The following YY2 variants were observed in gnomAD, a reference collection of about 807,000 sequenced individuals.
YY2 encodes transcription factor YY2.
For missense variants in YY2, 254 were observed against 305.3 expected, an observed-to-expected ratio of 0.83 and a Z score of 1.25; for synonymous variants, 157 against 131.2, an observed-to-expected ratio of 1.20 and a Z score of -1.35.
In YY2 at chrX:21,856,356, C is replaced by T. The variant is rs1445062932; in HGVS notation, c.-129C>T. ...GCAGCTCGCGCCTTTCTCTGCAGCT[C>T]GCGCCTTTCTCTGCAGCTCGCCCCT... On this transcript the variant is annotated 5_prime_UTR_variant, in exon 1 of 1. Coordinates refer to ENST00000429584, the MANE Select transcript of YY2 (RefSeq NM_206923.4). The T allele has an allele frequency of 4.6e-6, 3 of 657,663 alleles. No homozygotes were observed. Among genetic ancestry groups the T allele is most frequent in the African/African-American group, 4.6e-5 (2 of 43,234 alleles). 54.2% of individuals were successfully genotyped at this position (657,663 alleles called of 1,213,427 possible).
chrX:21,857,194 A>C lies in YY2; in HGVS notation c.710A>C (p.Glu237Ala). The C allele has an allele frequency of 8.3e-7, 1 of 1,211,924 alleles. No individual in the cohort carries two copies. Among genetic ancestry groups the C allele is most frequent in the Non-Finnish European group, 1.1e-6 (1 of 895,605 alleles). Residue 237 changes from glutamate (E) to alanine (A), a missense_variant, in exon 1 of 1, where the codon GAA (glutamate) becomes GCA (alanine). Transcript: ENST00000429584. The stretch of plus-strand genomic sequence containing the variant: ...CTCTCAGATCCTAAACAGCTGGCAG[A>C]ATTTACTAAAGTGAAGCCCAAAAGG... ...IDLSDPKQLA[E>A]FTKVKPKRSK...
Position 21,857,210 on chromosome X carries a change from G to C in YY2, c.726G>C (p.Lys242Asn). 2 of 1,211,814 alleles carry C rather than the reference G, an allele frequency of 1.7e-6. No homozygotes were observed. Among genetic ancestry groups the C allele is most frequent in the South Asian group, 1.8e-5 (1 of 57,001 alleles). Residue 242 changes from lysine to asparagine, a missense_variant, in exon 1 of 1, where the codon AAG (lysine) becomes AAC (asparagine). Coordinates refer to ENST00000429584, the MANE Select transcript of YY2 (RefSeq NM_206923.4). Reference protein sequence around the residue: ...PKQLAEFTKVKPKRSKGEPPK... With the variant: ...PKQLAEFTKVNPKRSKGEPPK... ...AGCTGGCAGAATTTACTAAAGTGAAGCCCAAAAGGTCCAAAGGAGAACCTC... is the reference window on the plus strand; with the variant it reads ...AGCTGGCAGAATTTACTAAAGTGAACCCCAAAAGGTCCAAAGGAGAACCTC...
chrX:21,857,243 A>T lies in YY2; in HGVS notation c.759A>T (p.Thr253=). ...PKRSKGEPPK[T]VPCSYSGCEK... is the part of the protein sequence containing the mutation. ...GGTCCAAAGGAGAACCTCCCAAAAC[A>T]GTCCCTTGCTCTTATAGCGGCTGCG... The change falls in exon 1 of 1, where the codon ACA becomes ACT. Residue 253 remains threonine, a synonymous_variant. Transcript: ENST00000429584. The T allele has an allele frequency of 1.7e-6, 2 of 1,211,911 alleles. No homozygotes were observed. The highest frequency in any genetic ancestry group is 2.2e-6 in the Non-Finnish European group (2 of 895,570).
chrX:21,857,721 G>A lies in YY2; in HGVS notation c.*118G>A. On this transcript the variant is annotated 3_prime_UTR_variant, in exon 1 of 1. Coordinates refer to ENST00000429584, the MANE Select transcript of YY2 (RefSeq NM_206923.4). ...AGAGTTTTAAAAAAAAATGAATCCTGCACATTTAAGGTTCGTGTTTTGTTA... is the reference window on the plus strand; with the variant it reads ...AGAGTTTTAAAAAAAAATGAATCCTACACATTTAAGGTTCGTGTTTTGTTA... 1 of 836,785 alleles carries A rather than the reference G, an allele frequency of 1.2e-6. No individual in the cohort carries two copies. The highest frequency in any genetic ancestry group is 3.4e-5 in the Admixed American group (1 of 29,504). 69.0% of individuals were successfully genotyped at this position (836,785 alleles called of 1,213,427 possible).
At position 21,856,593 on chromosome X, in the gene YY2, A is replaced by G; in HGVS notation, c.109A>G (p.Thr37Ala). 8.3e-7 allele frequency: 1 copy of G among 1,211,818 alleles called. No homozygotes were observed. The highest frequency in any genetic ancestry group is 2.2e-5 in the Admixed American group (1 of 46,025). ...VEPLPMEDIP[T>A]ESVQYEDVDG... ...GCCCCTTCCTATGGAGGACATTCCG[A>G]CGGAAAGCGTCCAGTACGAGGATGT... Residue 37 changes from threonine to alanine, a missense_variant, in exon 1 of 1, where the codon ACG (threonine) becomes GCG (alanine). Coordinates refer to ENST00000429584, the MANE Select transcript of YY2 (RefSeq NM_206923.4).
chrX:21,856,418 C>T lies in YY2; in HGVS notation c.-67C>T, dbSNP rs1238461713. 3 of 1,126,494 alleles carry T rather than the reference C, an allele frequency of 2.7e-6. No individual in the cohort carries two copies. The African/African-American group carries it at 5.5e-5, about 21-fold the overall frequency. 92.8% of individuals were successfully genotyped at this position (1,126,494 alleles called of 1,213,427 possible). On this transcript the variant is annotated 5_prime_UTR_variant, in exon 1 of 1. Transcript: ENST00000429584. ...TCGCCCCTTCCTCTGCAGCTCCCAC[C>T]TCACTCCCCTCAGCGTTCTTTTTCC... is the stretch of plus-strand genomic sequence containing the variant.
rs749297904 is a variant in YY2, at chrX:21,856,526, G to A, written c.42G>A (p.Glu14=). The change falls in exon 1 of 1, where the codon GAG becomes GAA. Residue 14 remains glutamate, a synonymous_variant. Transcript: ENST00000429584. ...ATTTCTCCATCACACAAGACCTGGA[G>A]ATCCCGGCAGATATTGTGGAGCTCC... The part of the protein sequence containing the change: ...NEDFSITQDL[E]IPADIVELHD... 2.5e-6 allele frequency: 3 copies of A among 1,211,174 alleles called. No homozygotes were observed. Among genetic ancestry groups the A allele is most frequent in the Admixed American group, 4.3e-5 (2 of 45,984 alleles).
At position 21,857,703 on chromosome X, in the gene YY2, TAA is replaced by T. The variant is rs11339991; in HGVS notation, c.*108_*109del. ...CTTTGTATGTTGTTTCTAAGAGTTT[TAA>T]AAAAAAATGAATCCTGCACATTTAA... On this transcript the variant is annotated 3_prime_UTR_variant, in exon 1 of 1. Coordinates refer to ENST00000429584, the MANE Select transcript of YY2 (RefSeq NM_206923.4). 1 of 888,653 alleles carries T rather than the reference TAA, an allele frequency of 1.1e-6. No homozygotes were observed. The highest frequency in any genetic ancestry group is 1.6e-6 in the Non-Finnish European group (1 of 643,510). 73.2% of individuals were successfully genotyped at this position (888,653 alleles called of 1,213,427 possible).
Position 21,856,333 on chromosome X carries a change from AGCTCGCGCCTTTCTCT to A in YY2, c.-149_-134del. ...CTCTGCAGCTCGCGCCTTTCTCTGCAGCTCGCGCCTTTCTCTGCAGCTCGCGCCTTTCTCTGCAGCT... is the reference window on the plus strand; with the variant it reads ...CTCTGCAGCTCGCGCCTTTCTCTGCAGCAGCTCGCGCCTTTCTCTGCAGCT... On this transcript the variant is annotated 5_prime_UTR_variant, in exon 1 of 1. The change creates a premature stop within an existing upstream ORF in the 5' untranslated region. Coordinates refer to ENST00000429584, the MANE Select transcript of YY2 (RefSeq NM_206923.4). 1 of 495,617 alleles carries A rather than the reference AGCTCGCGCCTTTCTCT, an allele frequency of 2.0e-6. No homozygotes were observed. The highest frequency in any genetic ancestry group is 3.4e-5 in the East Asian group (1 of 29,290). 40.8% of individuals were successfully genotyped at this position (495,617 alleles called of 1,213,427 possible).
chrX:21,856,212 T>A lies in YY2; in HGVS notation c.-273T>A, dbSNP rs955266416. 4 of 327,988 alleles carry A rather than the reference T, an allele frequency of 1.2e-5. No individual in the cohort carries two copies. Among genetic ancestry groups the A allele is most frequent in the African/African-American group, 1.0e-4 (4 of 38,161 alleles). 27.0% of individuals were successfully genotyped at this position (327,988 alleles called of 1,213,427 possible). On this transcript the variant is annotated 5_prime_UTR_variant, in exon 1 of 1. Coordinates refer to ENST00000429584, the MANE Select transcript of YY2 (RefSeq NM_206923.4). ...TTTTGGGGCCGACAGACGCGCCAGT[T>A]GCCTAGGCGCATGCGTCTGGCTATC... is the stretch of plus-strand genomic sequence containing the variant.
chrX:21,856,529 C>A lies in YY2; in HGVS notation c.45C>A (p.Ile15=), dbSNP rs771035415. The change falls in exon 1 of 1, where the codon ATC becomes ATA. Residue 15 remains isoleucine, a synonymous_variant. Transcript: ENST00000429584. ...EDFSITQDLE[I]PADIVELHDI... is the part of the protein sequence containing the mutation. ...TCTCCATCACACAAGACCTGGAGAT[C>A]CCGGCAGATATTGTGGAGCTCCACG... 1 of 1,211,328 alleles carries A rather than the reference C, an allele frequency of 8.3e-7. No individual in the cohort carries two copies.
Position 21,856,685 on chromosome X carries a change from G to A in YY2, c.201G>A (p.Thr67=). The part of the protein sequence containing the change: ...PPLMVLQPLF[T]NTGYGDHDQE... ...TGATGGTGTTGCAGCCGCTCTTCACGAACACGGGCTATGGCGACCACGACC... is the reference window on the plus strand; with the variant it reads ...TGATGGTGTTGCAGCCGCTCTTCACAAACACGGGCTATGGCGACCACGACC... Residue 67 remains threonine (T), a synonymous_variant, in exon 1 of 1, where the codon ACG becomes ACA. Transcript: ENST00000429584. 8.3e-7 allele frequency: 1 copy of A among 1,211,793 alleles called. No homozygotes were observed. The highest frequency in any genetic ancestry group is 1.1e-6 in the Non-Finnish European group (1 of 895,575).
At position 21,856,815 on chromosome X, in the gene YY2, A is replaced by G. The variant is rs747779901; in HGVS notation, c.331A>G (p.Ile111Val). Residue 111 changes from isoleucine (I) to valine (V), a missense_variant, in exon 1 of 1, where the codon ATT becomes GTT. Transcript: ENST00000429584. Reference protein sequence around the residue: ...LEDQLALPDSIEDEHFQMTLA... With the variant: ...LEDQLALPDSVEDEHFQMTLA... ...GGACCAGTTGGCCCTCCCGGATAGC[A>G]TTGAAGACGAGCACTTCCAGATGAC... 2.5e-6 allele frequency: 3 copies of G among 1,211,818 alleles called. No homozygotes were observed. The Admixed American group carries it at 6.5e-5, about 26-fold the overall frequency.
Position 21,857,793 on chromosome X carries a change from A to T in YY2, c.*190A>T. ...AACGTTTTTAAAAAGGTAAACCTTG[A>T]CATAAGATAATAGTGCTAAGATGCC... On this transcript the variant is annotated 3_prime_UTR_variant, in exon 1 of 1. Coordinates refer to ENST00000429584, the MANE Select transcript of YY2 (RefSeq NM_206923.4). 2 of 472,954 alleles carry T rather than the reference A, an allele frequency of 4.2e-6. No homozygotes were observed. Among genetic ancestry groups the T allele is most frequent in the South Asian group, 5.4e-5 (1 of 18,664 alleles). The allele number at this position is 472,954 out of a possible 1,213,427, so 39.0% of individuals were successfully genotyped here.
Position 21,856,589 on chromosome X carries a change from T to G in YY2, c.105T>G (p.Ile35Met). Residue 35 changes from isoleucine to methionine, a missense_variant, in exon 1 of 1, where the codon ATT becomes ATG. Transcript: ENST00000429584. The part of the protein sequence containing the change: ...INVEPLPMED[I>M]PTESVQYEDV... ...TGGAGCCCCTTCCTATGGAGGACAT[T>G]CCGACGGAAAGCGTCCAGTACGAGG... 8.3e-7 allele frequency: 1 copy of G among 1,211,611 alleles called. No homozygotes were observed. The highest frequency in any genetic ancestry group is 1.1e-6 in the Non-Finnish European group (1 of 895,481).
At position 21,857,259 on chromosome X, in the gene YY2, A is replaced by G. The variant is rs1324351038; in HGVS notation, c.775A>G (p.Ser259Gly). The change falls in exon 1 of 1, where the codon AGC becomes GGC. Residue 259 changes from serine (S) to glycine (G), a missense_variant. Transcript: ENST00000429584. Reference protein sequence around the residue: ...EPPKTVPCSYSGCEKMFRDYA... With the variant: ...EPPKTVPCSYGGCEKMFRDYA... ...TCCCAAAACAGTCCCTTGCTCTTATAGCGGCTGCGAAAAGATGTTCCGGGA... is the reference window on the plus strand; with the variant it reads ...TCCCAAAACAGTCCCTTGCTCTTATGGCGGCTGCGAAAAGATGTTCCGGGA... 8.3e-7 allele frequency: 1 copy of G among 1,210,154 alleles called. No individual in the cohort carries two copies. The highest frequency in any genetic ancestry group is 1.1e-6 in the Non-Finnish European group (1 of 895,269).
chrX:21,856,160 C>T lies in YY2; in HGVS notation c.-325C>T, dbSNP rs1456397876. The T allele has an allele frequency of 3.9e-6, 1 of 258,375 alleles. No individual in the cohort carries two copies. Among genetic ancestry groups the T allele is most frequent in the East Asian group, 6.3e-5 (1 of 15,999 alleles). 21.3% of individuals were successfully genotyped at this position (258,375 alleles called of 1,213,427 possible). On this transcript the variant is annotated 5_prime_UTR_variant, in exon 1 of 1. Coordinates refer to ENST00000429584, the MANE Select transcript of YY2 (RefSeq NM_206923.4). ...ACAGCTGGGCGGGGTCGCAGGGTGG[C>T]AAACGTACGCGGGCACGTGCACGTG...
At position 21,856,433 on chromosome X, in the gene YY2, G is replaced by A; in HGVS notation, c.-52G>A. On this transcript the variant is annotated 5_prime_UTR_variant, in exon 1 of 1. Transcript: ENST00000429584. ...CAGCTCCCACCTCACTCCCCTCAGC[G>A]TTCTTTTTCCCACGGTCTTCCCGTT... 1.7e-6 allele frequency: 2 copies of A among 1,162,553 alleles called. No homozygotes were observed. The highest frequency in any genetic ancestry group is 2.4e-5 in the Admixed American group (1 of 42,260).
chrX:21,857,651 G>T lies in YY2; in HGVS notation c.*48G>T, dbSNP rs771303094. The T allele has an allele frequency of 4.4e-6, 5 of 1,126,975 alleles. No individual in the cohort carries two copies. Among genetic ancestry groups the T allele is most frequent in the Admixed American group, 5.4e-5 (2 of 36,757 alleles). 92.9% of individuals were successfully genotyped at this position (1,126,975 alleles called of 1,213,427 possible). On this transcript the variant is annotated 3_prime_UTR_variant, in exon 1 of 1. Transcript: ENST00000429584. ...CTTGGGAATTATCTTCCAGGACTGCGGTAGGGAATAAATATGCCTCTCAAA... is the reference window on the plus strand; with the variant it reads ...CTTGGGAATTATCTTCCAGGACTGCTGTAGGGAATAAATATGCCTCTCAAA...
Sources: allele counts gnomAD v4.1 joint callset, GRCh38; gene constraint gnomAD v4.1.1; transcripts MANE v1.5; gene names NCBI Gene and HGNC (gene_info 2026-07-23, HGNC 2026-07-21).